The following LCOR variants were observed in gnomAD, a reference collection of about 807,000 sequenced individuals.
LCOR encodes the protein ligand dependent nuclear receptor corepressor.
LCOR carries 14 observed loss-of-function variants against 64.4 expected under a neutral mutation model. The observed-to-expected ratio is 0.22, with a 90% confidence interval of 0.14 to 0.34. The LOEUF is 0.34. LCOR is among the 10% of genes least tolerant of loss of function. The pLI is 1.00. For synonymous variants in LCOR, 643 were observed against 642.5 expected (o/e 1.00, Z -0.01); for missense variants, 1,686 against 1,765.3 (o/e 0.96, Z 0.80).
chr10:96,955,179 T>A, intron 7 of LCOR: 1 of 1,614,170 alleles, frequency 6.2e-7, no homozygotes, highest in Non-Finnish European at 8.5e-7. Flanking sequence ...TGGACAACAC[T>A]TAATATTATC....
chr10:96,936,857 C>G (rs1847359579), intron 4 of LCOR, among the ~76,000 whole-genome samples: 1 of 151,972 alleles, frequency 6.6e-6, no homozygotes, highest in Non-Finnish European at 1.5e-5. Flanking sequence ...TACACACATA[C>G]CTATGATAAA....
At chr10:96,862,727 G>A (rs1163449987) in intron 2 of LCOR, among the ~76,000 whole-genome samples, 2 of 152,118 alleles carry the variant, frequency 1.3e-5, no homozygotes, top group Non-Finnish European at 2.9e-5. Context: ...CCTAGGAATT[G>A]CCAGCCCCCG....
intron 4 of LCOR, among the ~76,000 whole-genome samples, chr10:96,914,360 G>A (rs982244729): frequency 2.6e-4 from 39 of 152,074 alleles, no homozygotes; most frequent in African/African-American, 9.2e-4. Flanking sequence ...ACCACACCTG[G>A]CTAATTTGGT....
intron 7 of LCOR, chr10:96,954,902 C>T (rs1346062261): frequency 2.0e-6 from 3 of 1,523,216 alleles, no homozygotes; most frequent in South Asian, 2.4e-5. Flanking sequence ...TCACCCATCC[C>T]TCCCTACCTG....
At chr10:96,909,426 G>A (rs981960021) in intron 4 of LCOR, among the ~76,000 whole-genome samples, 3 of 152,122 alleles carry the variant, frequency 2.0e-5, no homozygotes, top group African/African-American at 4.8e-5. Flanking sequence ...TGCTGTTTCA[G>A]CCTTTCACAC....
At chr10:96,855,687 C>T (rs1438262722) in intron 2 of LCOR, among the ~76,000 whole-genome samples, 4 of 152,016 alleles carry the variant, frequency 2.6e-5, no homozygotes, top group East Asian at 1.9e-4. Flanking sequence ...CCACCTGCCT[C>T]GGCCTCCCAA....
Position 96,972,058 on chromosome 10 carries a change from T to C in LCOR, c.333-8735T>C, listed in dbSNP as rs546834727. ...AGAGGGGTGGGGTGGGGAATAGTTA[T>C]AAAGGACTATTAATTCTTATAGCAC... On this transcript the variant is annotated intron_variant, in intron 7 of 7. Transcript: ENST00000421806. Among the ~76,000 whole-genome samples the C allele has an allele frequency of 2.0e-5, 3 of 152,154 alleles. No homozygotes were observed. In the East Asian group the frequency reaches 5.8e-4, roughly 29 times the overall value.
chr10:96,894,014 A>G (rs770124981), intron 2 of LCOR, among the ~76,000 whole-genome samples: 35 of 152,216 alleles, frequency 2.3e-4, no homozygotes, highest in Non-Finnish European at 4.3e-4. Context: ...TTGGGAGGAA[A>G]GATAACAGCT....
At chr10:96,958,834 T>C (rs1250036055) in intron 7 of LCOR, 1 of 157,124 alleles carries the variant, frequency 6.4e-6, no homozygotes, top group Non-Finnish European at 1.4e-5. Context: ...GCCATTATTG[T>C]TTTGTGAAGC....
chr10:96,885,772 T>A (rs1345929022), intron 2 of LCOR, among the ~76,000 whole-genome samples: 2 of 151,838 alleles, frequency 1.3e-5, no homozygotes, highest in Non-Finnish European at 2.9e-5. Context: ...AAAAAGATAA[T>A]TTGGGTTGGT....
intron 4 of LCOR, among the ~76,000 whole-genome samples, chr10:96,936,961 T>C (rs1847361638): frequency 6.6e-6 from 1 of 152,252 alleles, no homozygotes; most frequent in Admixed American, 6.5e-5. Flanking sequence ...TATGTGAATA[T>C]TCTCTCTCTT....
chr10:96,965,893 C>T (rs941840368), intron 7 of LCOR, among the ~76,000 whole-genome samples: 2 of 152,048 alleles, frequency 1.3e-5, no homozygotes, highest in African/African-American at 4.8e-5. Context: ...TGCCGTTACT[C>T]ATTATAAACT....
intron 2 of LCOR, among the ~76,000 whole-genome samples, chr10:96,853,107 T>C (rs1200884125): frequency 6.6e-6 from 1 of 152,080 alleles, no homozygotes; most frequent in Non-Finnish European, 1.5e-5. Flanking sequence ...AGTGCAGTGG[T>C]GTGATCTTGG....
At chr10:96,900,290 G>T (rs992837079) in intron 2 of LCOR, among the ~76,000 whole-genome samples, 1 of 151,756 alleles carries the variant, frequency 6.6e-6, no homozygotes, top group Non-Finnish European at 1.5e-5. Context: ...GTTTATCACA[G>T]ATTACCTCTT....
At chr10:96,862,264 A>C (rs1482120691) in intron 2 of LCOR, among the ~76,000 whole-genome samples, 1 of 151,794 alleles carries the variant, frequency 6.6e-6, no homozygotes, top group Non-Finnish European at 1.5e-5. Context: ...TTACATAGAC[A>C]TGATTTTTTT....
At chr10:96,969,749 C>A (rs1357505060) in intron 7 of LCOR, among the ~76,000 whole-genome samples, 1 of 148,544 alleles carries the variant, frequency 6.7e-6, no homozygotes, top group Admixed American at 6.7e-5. Flanking sequence ...GTGTTCATTT[C>A]AACAATTTTC....
At position 96,906,952 on chromosome 10, in the gene LCOR, A is replaced by C. The variant is rs560983544; in HGVS notation, c.-329-313A>C. On this transcript the variant is annotated intron_variant, in intron 2 of 7. Transcript: ENST00000421806. The stretch of plus-strand genomic sequence containing the variant: ...TTCATTGAGAAAAGTACCTTTTAAA[A>C]TGGAGCCTGAGAGTTTGTACAAAGA... Among the ~76,000 whole-genome samples the C allele has an allele frequency of 3.3e-5, 5 of 152,358 alleles. No individual in the cohort carries two copies. In the South Asian group the frequency reaches 1.0e-3, roughly 32 times the overall value.
At chr10:96,847,411 TTTATTTA>T (rs1845649262) in intron 2 of LCOR, among the ~76,000 whole-genome samples, 1 of 134,916 alleles carries the variant, frequency 7.4e-6, no homozygotes, top group Non-Finnish European at 1.5e-5. Flanking sequence ...GAGTATTTTA[TTTATTTA>T]TTTATTTATT....
Position 96,995,757 on chromosome 10 carries a change from T to C in LCOR, c.*10623T>C, listed in dbSNP as rs1327381817. 1 of 152,204 alleles carries C rather than the reference T, an allele frequency of 6.6e-6. No individual in the cohort carries two copies. Among genetic ancestry groups the C allele is most frequent in the Non-Finnish European group, 1.5e-5 (1 of 68,038 alleles). The allele number at this position is 152,204 out of a possible 1,614,324, so 9.4% of individuals were successfully genotyped here. ...GCCATGTAGGAAACTGTGTTCTTGT[T>C]ATTGGTAGAGGGGCCCTCACTGAAA... On this transcript the variant is annotated 3_prime_UTR_variant, in exon 8 of 8. Coordinates refer to ENST00000421806, the MANE Select transcript of LCOR (RefSeq NM_001346516.2). This position sits in a 1 kb window ranked among gnomAD's most constrained non-coding sequence, Gnocchi z 4.2.
Sources: allele counts gnomAD v4.1 joint callset (sites outside exome capture counted in the v4.1 genomes callset), GRCh38; gene constraint gnomAD v4.1.1; non-coding constraint Gnocchi (gnomAD v3.1); transcripts MANE v1.5; gene names NCBI Gene and HGNC (gene_info 2026-07-23, HGNC 2026-07-21).